ZC3H14: variants seen among roughly 807,000 people sequenced by gnomAD.
ZC3H14 encodes zinc finger CCCH-type containing 14, also known as zinc finger CCCH domain-containing protein 14.
A neutral mutation model predicts 92.4 loss-of-function variants in ZC3H14; 31 were observed. The ratio of observed to expected loss-of-function variants is 0.34; its 90% CI spans 0.25 to 0.45. ZC3H14 has a LOEUF of 0.45. Among genes scored for constraint, ZC3H14 ranks in the 20% least tolerant of loss-of-function variants. The pLI, the probability that ZC3H14 is intolerant of heterozygous loss-of-function variation, is 1.00. For missense variants in ZC3H14, 781 were observed against 897.3 expected (o/e 0.87, Z 1.66); for synonymous variants, 321 against 300.9 (o/e 1.07, Z -0.69).
At position 88,621,084 on chromosome 14, in the gene ZC3H14, C is replaced by A. The variant is rs763967374; in HGVS notation, c.*9333C>A. On this transcript the variant is annotated 3_prime_UTR_variant, in exon 17 of 17. Transcript: ENST00000251038. ...CAACTTTTCTTTTTAGAAGTTGTAA[C>A]CTCTTTTAAAAAAATTATCTGTACT... is the stretch of plus-strand genomic sequence containing the variant. 1.9e-6 allele frequency: 3 copies of A among 1,594,278 alleles called. No homozygotes were observed. Among genetic ancestry groups the A allele is most frequent in the Non-Finnish European group, 2.6e-6 (3 of 1,170,748 alleles).
chr14:88,580,158 C>T (rs2081711332), intron 9 of ZC3H14, among the ~76,000 whole-genome samples: 2 of 150,962 alleles, frequency 1.3e-5, no homozygotes, highest in Non-Finnish European at 3.0e-5. Context: ...GCCCAGGAGG[C>T]TGAGGTTGCA....
rs1444111753 is a variant in ZC3H14 at position 88,612,068 on chromosome 14, T to TAGTC, written c.*319_*322dup. On this transcript the variant is annotated 3_prime_UTR_variant, in exon 17 of 17. Coordinates refer to ENST00000251038, the MANE Select transcript of ZC3H14 (RefSeq NM_024824.5). ...CAGCATATGAAATTGACATCATGGT[T>TAGTC]AGTCATGGTACTGCAGCTTAGGGGG... 1 of 388,504 alleles carries TAGTC rather than the reference T, an allele frequency of 2.6e-6. No individual in the cohort carries two copies. The highest frequency in any genetic ancestry group is 4.7e-6 in the Non-Finnish European group (1 of 212,294). The allele number at this position is 388,504 out of a possible 1,614,324, so 24.1% of individuals were successfully genotyped here. A position where few individuals can be genotyped will look rare whatever the true frequency, so the allele number is the denominator to read the frequency against.
chr14:88,570,742 T>C (rs751741967), intron 3 of ZC3H14, among the ~76,000 whole-genome samples: 6 of 152,246 alleles, frequency 3.9e-5, no homozygotes, highest in Non-Finnish European at 8.8e-5. Flanking sequence ...TATTGACTTC[T>C]GTAGGATTTA....
chr14:88,607,437 C>T (rs1314418725), intron 13 of ZC3H14, 74 bp downstream of exon 13: 10 of 1,523,252 alleles, frequency 6.6e-6, no homozygotes, highest in Middle Eastern at 2.0e-4. Flanking sequence ...TACCATCCCC[C>T]ATCTCACCTG....
Position 88,572,216 on chromosome 14 carries a change from C to T in ZC3H14, c.422C>T (p.Thr141Ile). ...VSTSSQESKTTNVRQTYDDGA... is the reference protein window; with the variant it reads ...VSTSSQESKTINVRQTYDDGA... ...ACAAGTTCGCAGGAGTCAAAAACCA[C>T]AAATGTCAGGTAAGAGTCTGGTGTA... The change falls in exon 5 of 17, where the codon ACA (threonine) becomes ATA (isoleucine). Residue 141 changes from threonine (T) to isoleucine (I), a missense_variant. Coordinates refer to ENST00000251038, the MANE Select transcript of ZC3H14 (RefSeq NM_024824.5). The T allele has an allele frequency of 6.2e-7, 1 of 1,614,114 alleles. No homozygotes were observed. The highest frequency in any genetic ancestry group is 8.5e-7 in the Non-Finnish European group (1 of 1,180,014).
chr14:88,589,930 G>T (rs2082910693), intron 9 of ZC3H14: 1 of 152,400 alleles, frequency 6.6e-6, no homozygotes, highest in African/African-American at 2.4e-5. Context: ...AGGAGTTCGA[G>T]ACCTGCCTGG....
intron 9 of ZC3H14, among the ~76,000 whole-genome samples, chr14:88,593,549 T>G (rs1320346085): frequency 6.6e-6 from 1 of 152,180 alleles, no homozygotes; most frequent in Non-Finnish European, 1.5e-5. Flanking sequence ...TGGACCGGAA[T>G]TGAGAATCCA....
chr14:88,563,805 T>A, intron 2 of ZC3H14, 112 bp downstream of exon 2: 1 of 1,048,398 alleles, frequency 9.5e-7, no homozygotes, highest in Non-Finnish European at 1.5e-6. Context: ...GACTCCCTTC[T>A]ACCTTCTTCA....
rs555018290 is a variant in ZC3H14, at chr14:88,601,245, G to A, written c.1355-679G>A. Among the ~76,000 whole-genome samples, 336 of 152,212 alleles carry A rather than the reference G, an allele frequency of 2.2e-3. 1 individual carries two copies. Among genetic ancestry groups the A allele is most frequent in the Non-Finnish European group, 3.6e-3 (245 of 68,010 alleles). ...ATACCCTGTAAATTTTGGTCTCTAAGCTTTAAAAGAAGTGTATTAACTTCA... is the reference window on the plus strand; with the variant it reads ...ATACCCTGTAAATTTTGGTCTCTAAACTTTAAAAGAAGTGTATTAACTTCA... On this transcript the variant is annotated intron_variant, in intron 10 of 16. Transcript: ENST00000251038.
In ZC3H14 at chr14:88,572,456, G is replaced by A; in HGVS notation, c.432-122G>A. ...GTGCAATTTCAAAGCAGTTTTGAAT[G>A]GAATATGTAAAGGGAGTATCCTCAG... On this transcript the variant is annotated intron_variant, in intron 5 of 16. Transcript: ENST00000251038. 3.1e-6 allele frequency: 4 copies of A among 1,289,958 alleles called. No individual in the cohort carries two copies. In the Middle Eastern group the frequency reaches 5.8e-4, roughly 189 times the overall value. 79.9% of individuals were successfully genotyped at this position (1,289,958 alleles called of 1,614,324 possible).
In ZC3H14 at chr14:88,621,624, A is replaced by G. The variant is rs1029255801; in HGVS notation, c.*9873A>G. 1.1e-5 allele frequency: 4 copies of G among 355,998 alleles called. No individual in the cohort carries two copies. The highest frequency in any genetic ancestry group is 4.0e-5 in the Admixed American group (1 of 24,986). The allele number at this position is 355,998 out of a possible 1,614,324, so 22.1% of individuals were successfully genotyped here. Reference sequence around the variant, plus strand: ...CAAACTGGGGTCAGTGCAGTGGGATATAGGAAAAAATAATAGAATTTATTT... The same window carrying G: ...CAAACTGGGGTCAGTGCAGTGGGATGTAGGAAAAAATAATAGAATTTATTT... On this transcript the variant is annotated 3_prime_UTR_variant, in exon 17 of 17. Transcript: ENST00000251038.
chr14:88,578,207 T>C, intron 9 of ZC3H14, 67 bp downstream of exon 9: 1 of 1,564,906 alleles, frequency 6.4e-7, no homozygotes, highest in East Asian at 2.2e-5. Flanking sequence ...TATTTTCCAA[T>C]GGATTTTTAT....
chr14:88,577,881 T>A, intron 8 of ZC3H14, 104 bp from the exon 9 acceptor site: 2 of 1,483,188 alleles, frequency 1.3e-6, no homozygotes, highest in Non-Finnish European at 1.9e-6. Context: ...AACTCATATG[T>A]CCTAAACCAA....
Position 88,621,587 on chromosome 14 carries a change from T to C in ZC3H14, c.*9836T>C. On this transcript the variant is annotated 3_prime_UTR_variant, in exon 17 of 17. Coordinates refer to ENST00000251038, the MANE Select transcript of ZC3H14 (RefSeq NM_024824.5). ...AATAATCAAAGTTTTTATTTGATAATCTTAGGATTTCCAAACTGGGGTCAG... is the reference window on the plus strand; with the variant it reads ...AATAATCAAAGTTTTTATTTGATAACCTTAGGATTTCCAAACTGGGGTCAG... 1 of 436,448 alleles carries C rather than the reference T, an allele frequency of 2.3e-6. No individual in the cohort carries two copies. The highest frequency in any genetic ancestry group is 3.0e-5 in the South Asian group (1 of 33,354). 27.0% of individuals were successfully genotyped at this position (436,448 alleles called of 1,614,324 possible). A position where few individuals can be genotyped will look rare whatever the true frequency, so the allele number is the denominator to read the frequency against.
rs1470513133 is a variant in ZC3H14, at chr14:88,612,348, G to A, written c.*597G>A. 6.4e-6 allele frequency: 1 copy of A among 155,640 alleles called. No individual in the cohort carries two copies. The highest frequency in any genetic ancestry group is 1.4e-5 in the Non-Finnish European group (1 of 70,246). The allele number at this position is 155,640 out of a possible 1,614,324, so 9.6% of individuals were successfully genotyped here. ...CTTTGGTAAAGTTCCCAGTTTTCCT[G>A]CCTTCTGTGACAGGATGAATGAGGT... On this transcript the variant is annotated 3_prime_UTR_variant, in exon 17 of 17. Transcript: ENST00000251038.
intron 3 of ZC3H14, among the ~76,000 whole-genome samples, chr14:88,569,583 C>T (rs1595504037): frequency 6.6e-6 from 1 of 152,140 alleles, no homozygotes; most frequent in African/African-American, 2.4e-5. Context: ...AATAGACAGA[C>T]GAAATACTTT....
chr14:88,603,307 C>T (rs1312639857), intron 12 of ZC3H14, among the ~76,000 whole-genome samples: 3 of 152,202 alleles, frequency 2.0e-5, no homozygotes, highest in Non-Finnish European at 2.9e-5. Context: ...AGACCTCTTC[C>T]GCTTATGCTG....
chr14:88,605,745 A>C (rs905104962), intron 12 of ZC3H14, among the ~76,000 whole-genome samples: 1 of 152,180 alleles, frequency 6.6e-6, no homozygotes, highest in Non-Finnish European at 1.5e-5. Flanking sequence ...GCATGACTAC[A>C]TTTGTGTGCC....
chr14:88,621,410 G>C lies in ZC3H14; in HGVS notation c.*9659G>C. On this transcript the variant is annotated 3_prime_UTR_variant, in exon 17 of 17. Transcript: ENST00000251038. ...CTGCTTTCAGAGAACTTTTTGCTTT[G>C]AGCTAATCTAGTAGCAAGGCAGTCA... 10 of 1,319,150 alleles carry C rather than the reference G, an allele frequency of 7.6e-6. No homozygotes were observed. The highest frequency in any genetic ancestry group is 9.6e-6 in the Non-Finnish European group (9 of 936,328). 81.7% of individuals were successfully genotyped at this position (1,319,150 alleles called of 1,614,324 possible).
Sources: gnomAD v4.1 joint callset for allele counts (sites outside exome capture counted in the v4.1 genomes callset) on GRCh38, gnomAD v4.1.1 for gene constraint, MANE v1.5 for transcripts, NCBI Gene and HGNC (gene_info 2026-07-23, HGNC 2026-07-21) for gene names.